Variants in GREB1L observed in about 807,000 individuals in gnomAD.
The protein encoded by GREB1L is GREB1-like protein.
In GREB1L, 17 loss-of-function variants were observed where a neutral mutation model predicts 200.8. That is an observed-to-expected ratio of 0.08 (90% CI 0.06 to 0.13). GREB1L has a LOEUF of 0.13. GREB1L is among the 10% of genes least tolerant of loss of function. The pLI is 1.00. For missense variants in GREB1L, 1,657 were observed against 2,367.7 expected, an observed-to-expected ratio of 0.70 and a Z score of 6.23; for synonymous variants, 789 against 893.0, an observed-to-expected ratio of 0.88 and a Z score of 2.08.
rs1465922874 is a variant in GREB1L, at chr18:21,401,213, A to G, written c.596A>G (p.Asn199Ser). 3.2e-6 allele frequency: 5 copies of G among 1,551,538 alleles called. No homozygotes were observed. The highest frequency in any genetic ancestry group is 4.4e-6 in the Non-Finnish European group (5 of 1,146,942). ...TTTCGATATTTCACGGAATTTTCCA[A>G]CCACATTAACTTGAAGCTCACCACT... is the stretch of plus-strand genomic sequence containing the variant. The part of the protein sequence containing the change: ...RGFRYFTEFS[N>S]HINLKLTTQP... Residue 199 changes from asparagine to serine, a missense_variant, in exon 6 of 33, where the codon AAC becomes AGC. Asn to Ser is a conservative substitution (Grantham distance 46). Transcript: ENST00000424526.
chr18:21,374,978 A>G (rs1367853595), intron 2 of GREB1L, among the ~76,000 whole-genome samples: 4 of 151,524 alleles, frequency 2.6e-5, no homozygotes, highest in African/African-American at 9.7e-5. Flanking sequence ...CAGCCTCCCA[A>G]GTAGCTGAGA....
At position 21,525,645 on chromosome 18, in the gene GREB1L, T is replaced by C. The variant is rs1414343434; in HGVS notation, c.*2824T>C. On this transcript the variant is annotated 3_prime_UTR_variant, in exon 33 of 33. Coordinates refer to ENST00000424526, the MANE Select transcript of GREB1L (RefSeq NM_001142966.3). ...TGGAAACAGAACAACTTTGGGTTGC[T>C]AAAACTAATACAAGGTGTTTGTTAT... Among the ~76,000 whole-genome samples, 1 of 152,234 alleles carries C rather than the reference T, an allele frequency of 6.6e-6. No homozygotes were observed. The highest frequency in any genetic ancestry group is 1.9e-4 in the East Asian group (1 of 5,194).
chr18:21,290,188 C>T (rs766837912), intron 1 of GREB1L, among the ~76,000 whole-genome samples: 2 of 152,148 alleles, frequency 1.3e-5, no homozygotes, highest in Non-Finnish European at 1.5e-5. Context: ...ATTCAACTAC[C>T]GAACGGATCA....
chr18:21,520,696 A>G lies in GREB1L; in HGVS notation c.5481A>G (p.Ile1827Met), dbSNP rs1330990045. The change falls in exon 32 of 33, where the codon ATA (isoleucine) becomes ATG (methionine). Residue 1827 changes from isoleucine (I) to methionine (M), a missense_variant. Physicochemically the swap from Ile to Met is conservative, Grantham distance 10. Transcript: ENST00000424526. Reference sequence around the variant, plus strand: ...TTGCTTGATGATTTCAGGTGGCCATATGCTATATCAGCTCCAGACCCCACT... The same window carrying G: ...TTGCTTGATGATTTCAGGTGGCCATGTGCTATATCAGCTCCAGACCCCACT... Reference protein sequence around the residue: ...CYLNIGPEVAICYISSRPHSS... With the variant: ...CYLNIGPEVAMCYISSRPHSS... 6.4e-7 allele frequency: 1 copy of G among 1,551,668 alleles called. No homozygotes were observed. Among genetic ancestry groups the G allele is most frequent in the Non-Finnish European group, 8.7e-7 (1 of 1,146,980 alleles).
chr18:21,498,111 C>T (rs1486857292), intron 21 of GREB1L, among the ~76,000 whole-genome samples: 3 of 152,084 alleles, frequency 2.0e-5, no homozygotes, highest in East Asian at 1.9e-4. Flanking sequence ...CGTGAGCCAC[C>T]GCGCCCAGCC....
intron 4 of GREB1L, among the ~76,000 whole-genome samples, chr18:21,390,229 G>A (rs1183619604): frequency 1.3e-5 from 2 of 151,844 alleles, no homozygotes; most frequent in Admixed American, 6.6e-5. Context: ...GGTAATAAAT[G>A]TTATTTTTTA....
chr18:21,311,127 T>C (rs2038783320), intron 1 of GREB1L, among the ~76,000 whole-genome samples: 1 of 152,238 alleles, frequency 6.6e-6, no homozygotes, highest in Non-Finnish European at 1.5e-5. Context: ...AGGACAATAG[T>C]TGATTTTCCA....
At chr18:21,292,479 C>A (rs2144598708) in intron 1 of GREB1L, among the ~76,000 whole-genome samples, 1 of 152,268 alleles carries the variant, frequency 6.6e-6, no homozygotes, top group Admixed American at 6.5e-5. Context: ...TTTTCATCAC[C>A]CCCAAAAGAA....
intron 2 of GREB1L, among the ~76,000 whole-genome samples, chr18:21,366,697 G>C (rs1470403778): frequency 6.4e-5 from 9 of 140,300 alleles, no homozygotes; most frequent in Non-Finnish European, 1.3e-4. Flanking sequence ...GGTAACTCCT[G>C]TCTGTCAGAA....
At chr18:21,275,990 G>A (rs889963137) in intron 1 of GREB1L, among the ~76,000 whole-genome samples, 6 of 152,166 alleles carry the variant, frequency 3.9e-5, no homozygotes, top group African/African-American at 1.4e-4. Context: ...ACAATGTAGA[G>A]TCTCTTCTCT....
chr18:21,326,577 G>A (rs1441312853), intron 1 of GREB1L, among the ~76,000 whole-genome samples: 4 of 152,160 alleles, frequency 2.6e-5, no homozygotes, highest in Non-Finnish European at 5.9e-5. Flanking sequence ...GGATGATCAT[G>A]TCTTTTAGTG....
At chr18:21,313,129 C>T (rs1158870732) in intron 1 of GREB1L, among the ~76,000 whole-genome samples, 1 of 151,542 alleles carries the variant, frequency 6.6e-6, no homozygotes, top group Non-Finnish European at 1.5e-5. Context: ...TTTTGCTGTG[C>T]AGAAGCTAAC....
rs1383608209 is a variant in GREB1L at position 21,526,054 on chromosome 18, A to G, written c.*3233A>G. On this transcript the variant is annotated 3_prime_UTR_variant, in exon 33 of 33. Transcript: ENST00000424526. Reference sequence around the variant, plus strand: ...CTGTGAAACTGACTGCTGCAACATCACACTAAACTACTTAGGCCTGAAACA... The same window carrying G: ...CTGTGAAACTGACTGCTGCAACATCGCACTAAACTACTTAGGCCTGAAACA... Among the ~76,000 whole-genome samples, 3 of 152,276 alleles carry G rather than the reference A, an allele frequency of 2.0e-5. No individual in the cohort carries two copies. The highest frequency in any genetic ancestry group is 7.2e-5 in the African/African-American group (3 of 41,552).
At chr18:21,270,687 C>A (rs1195652308) in intron 1 of GREB1L, among the ~76,000 whole-genome samples, 1 of 152,198 alleles carries the variant, frequency 6.6e-6, no homozygotes, top group Non-Finnish European at 1.5e-5. Context: ...GGCTGCCAGG[C>A]AACCTTAATT....
At chr18:21,509,471 T>C (rs1434314786) in intron 27 of GREB1L, among the ~76,000 whole-genome samples, 1 of 152,226 alleles carries the variant, frequency 6.6e-6, no homozygotes, top group African/African-American at 2.4e-5. Flanking sequence ...CTTTCTCCAC[T>C]GTCTCCCAAC....
At chr18:21,433,252 A>G (rs1217756835) in intron 7 of GREB1L, among the ~76,000 whole-genome samples, 1 of 152,212 alleles carries the variant, frequency 6.6e-6, no homozygotes, top group Non-Finnish European at 1.5e-5. Flanking sequence ...TTGTTTATAT[A>G]TATGAAGATT....
chr18:21,491,154 C>T (rs981718507), intron 19 of GREB1L, among the ~76,000 whole-genome samples: 2 of 152,140 alleles, frequency 1.3e-5, no homozygotes, highest in Non-Finnish European at 1.5e-5. Context: ...AATCAAATAT[C>T]CACCTACATG....
chr18:21,298,834 T>G (rs775203241), intron 1 of GREB1L, among the ~76,000 whole-genome samples: 3 of 151,972 alleles, frequency 2.0e-5, no homozygotes, highest in Non-Finnish European at 4.4e-5. Flanking sequence ...CTTGGGAGGC[T>G]GAGGTAGGGG....
chr18:21,438,203 G>A (rs1416893799), intron 7 of GREB1L, among the ~76,000 whole-genome samples: 4 of 152,226 alleles, frequency 2.6e-5, no homozygotes, highest in African/African-American at 4.8e-5. Flanking sequence ...GAGCCCAGAA[G>A]TCAAGACTGC....
Sources: allele counts gnomAD v4.1 joint callset (sites outside exome capture counted in the v4.1 genomes callset), GRCh38; gene constraint gnomAD v4.1.1; transcripts MANE v1.5; gene names NCBI Gene and HGNC (gene_info 2026-07-23, HGNC 2026-07-21).